SYNE2: variants seen among roughly 807,000 people sequenced by gnomAD.
SYNE2 encodes the protein nesprin-2.
A neutral mutation model predicts 856.3 loss-of-function variants in SYNE2; 431 were observed. That is an observed-to-expected ratio of 0.50 (90% confidence interval 0.47 to 0.55). SYNE2 has a LOEUF of 0.55. Among genes scored for constraint, SYNE2 ranks in the 20% least tolerant of loss-of-function variants. The pLI, the probability that SYNE2 is intolerant of heterozygous loss-of-function variation, is 0.00. For synonymous variants in SYNE2, 2,923 were observed against 2,872.3 expected (o/e 1.02, Z -0.56); for missense variants, 8,129 against 8,023.2 (o/e 1.01, Z -0.50).
intron 1 of SYNE2, among the ~76,000 whole-genome samples, chr14:63,842,620 A>G (rs1890106544): frequency 6.6e-6 from 1 of 151,494 alleles, no homozygotes; most frequent in South Asian, 2.1e-4. Context: ...GACCACACCC[A>G]GCGAATTTTT....
At chr14:64,190,808 A>G (rs1164892647) in intron 99 of SYNE2, 2 of 671,434 alleles carry the variant, frequency 3.0e-6, no homozygotes, top group Non-Finnish European at 5.5e-6. Flanking sequence ...TCAAAGCTAT[A>G]TTGGCCAGTG....
intron 97 of SYNE2, among the ~76,000 whole-genome samples, chr14:64,187,485 C>G (rs913552328): frequency 5.9e-5 from 9 of 152,134 alleles, no homozygotes; most frequent in Non-Finnish European, 1.3e-4. Flanking sequence ...ATTATGAAAT[C>G]AATCAGAATG....
At position 64,070,773 on chromosome 14, in the gene SYNE2, C is replaced by A. The variant is rs373942534; in HGVS notation, c.10560C>A (p.Asn3520Lys). 3 of 1,614,074 alleles carry A rather than the reference C, an allele frequency of 1.9e-6. No individual in the cohort carries two copies. In the African/African-American group the frequency reaches 4.0e-5, roughly 22 times the overall value. Residue 3520 changes from asparagine (N) to lysine (K), a missense_variant, in exon 52 of 116, where the codon AAC becomes AAA. By Grantham distance (94) the Asn-to-Lys change is moderately conservative. Transcript: ENST00000555002. The part of the protein sequence containing the change: ...LLDCLCQYGE[N>K]VEKQQLLLTL... Reference sequence around the variant, plus strand: ...ACTGTTTATGCCAATATGGAGAGAACGTGGAGAAGCAACAGCTGTTACTGA... The same window carrying A: ...ACTGTTTATGCCAATATGGAGAGAAAGTGGAGAAGCAACAGCTGTTACTGA...
At chr14:63,905,047 C>A (rs1392080113) in intron 1 of SYNE2, among the ~76,000 whole-genome samples, 2 of 152,180 alleles carry the variant, frequency 1.3e-5, no homozygotes, top group East Asian at 3.8e-4. Flanking sequence ...GTTATCCCAG[C>A]ATCATTTATT....
At chr14:64,109,106 C>G (rs1289688961) in intron 65 of SYNE2, among the ~76,000 whole-genome samples, 1 of 151,846 alleles carries the variant, frequency 6.6e-6, no homozygotes, top group African/African-American at 2.4e-5. Flanking sequence ...AACTCCTGGT[C>G]TCAAACCATC....
intron 6 of SYNE2, among the ~76,000 whole-genome samples, chr14:63,949,412 A>C (rs891170146): frequency 1.3e-5 from 2 of 152,138 alleles, no homozygotes; most frequent in Non-Finnish European, 2.9e-5. Flanking sequence ...GTGTTTGACT[A>C]TCTTTTTTTC....
intron 3 of SYNE2, 150 bp from the exon 4 acceptor site, chr14:63,941,545 T>C: frequency 1.5e-6 from 1 of 677,712 alleles, no homozygotes. Flanking sequence ...CGTTTTGATA[T>C]GAATCTTTGC....
intron 11 of SYNE2, among the ~76,000 whole-genome samples, chr14:63,974,634 C>T (rs1322048458): frequency 6.6e-6 from 1 of 151,106 alleles, no homozygotes; most frequent in Non-Finnish European, 1.5e-5. Context: ...TCTTGGCTCA[C>T]TGCAGCCTCC....
chr14:64,224,978 T>G (rs772301363), intron 114 of SYNE2, 21 bp from the exon 115 acceptor site: 1 of 1,613,036 alleles, frequency 6.2e-7, no homozygotes. Context: ...ACTTACTAAC[T>G]GGAGTTTCTT....
chr14:64,101,273 C>T (rs977216591), intron 63 of SYNE2, among the ~76,000 whole-genome samples: 1 of 152,080 alleles, frequency 6.6e-6, no homozygotes, highest in Non-Finnish European at 1.5e-5. Flanking sequence ...GTCTCCACAT[C>T]CTCATGACCA....
intron 10 of SYNE2, 45 bp from the exon 11 acceptor site, chr14:63,967,664 T>C (rs1448639530): frequency 1.0e-5 from 16 of 1,588,588 alleles, no homozygotes; most frequent in Non-Finnish European, 1.4e-5. Context: ...ATGATATAAA[T>C]GGAATTAAAC....
chr14:63,934,833 CTTTG>C (rs1305474511), intron 2 of SYNE2, among the ~76,000 whole-genome samples: 1 of 152,042 alleles, frequency 6.6e-6, no homozygotes, highest in Non-Finnish European at 1.5e-5. Flanking sequence ...AGAGAGTAAT[CTTTG>C]TTTTTGTTGT....
Position 63,978,970 on chromosome 14 carries a change from T to C in SYNE2, c.1525T>C (p.Tyr509His). 1 of 1,613,884 alleles carries C rather than the reference T, an allele frequency of 6.2e-7. No homozygotes were observed. The highest frequency in any genetic ancestry group is 8.5e-7 in the Non-Finnish European group (1 of 1,179,876). Residue 509 changes from tyrosine to histidine, a missense_variant, in exon 14 of 116, where the codon TAT becomes CAT. Tyr to His is a moderately conservative substitution (Grantham distance 83). Coordinates refer to ENST00000555002, the MANE Select transcript of SYNE2 (RefSeq NM_182914.3). ...AAAATTGGATATTTGGAACATTAAA[T>C]ATGGGAGCAGAGAATCTGTGGAATT... is the stretch of plus-strand genomic sequence containing the variant. The part of the protein sequence containing the change: ...KSKLDIWNIK[Y>H]GSRESVELLL...
At chr14:63,881,609 ATATAAT>A (rs1489442408) in intron 1 of SYNE2, among the ~76,000 whole-genome samples, 2 of 148,552 alleles carry the variant, frequency 1.3e-5, no homozygotes, top group Admixed American at 1.3e-4. Context: ...TTATATAAAT[ATATAAT>A]TATAATTATA....
chr14:63,908,367 A>T (rs1566772015), intron 1 of SYNE2, among the ~76,000 whole-genome samples: 1 of 152,204 alleles, frequency 6.6e-6, no homozygotes. Flanking sequence ...TTATTTGATC[A>T]TCCATATGGG....
Position 64,021,328 on chromosome 14 carries a change from C to T in SYNE2, c.5165C>T (p.Ser1722Phe), listed in dbSNP as rs1460555489. 2 of 1,613,952 alleles carry T rather than the reference C, an allele frequency of 1.2e-6. No homozygotes were observed. The highest frequency in any genetic ancestry group is 2.2e-5 in the South Asian group (2 of 91,072). Reference protein sequence around the residue: ...IPLELQVMESSILNKMEHVQK... With the variant: ...IPLELQVMESFILNKMEHVQK... ...TCATGATTTCAGGTCATGGAGTCCT[C>T]TATTTTGAACAAGATGGAACATGTA... Residue 1722 changes from serine to phenylalanine, a missense_variant, in exon 36 of 116, where the codon TCT becomes TTT. Around this residue, in one of 3 missense-constraint regions of SYNE2, gnomAD observed 2,422 missense variants for 2,357.4 expected, o/e 1.03. Transcript: ENST00000555002.
chr14:64,043,084 G>A (rs1384540635), intron 45 of SYNE2, among the ~76,000 whole-genome samples: 1 of 152,210 alleles, frequency 6.6e-6, no homozygotes, highest in African/African-American at 2.4e-5. Context: ...TGGAGCAAAG[G>A]TGACTCTTGT....
rs199923651 is a variant in SYNE2, at chr14:64,224,491, G to C, written c.20413G>C (p.Glu6805Gln). 2 of 1,614,024 alleles carry C rather than the reference G, an allele frequency of 1.2e-6. No homozygotes were observed. Among genetic ancestry groups the C allele is most frequent in the Admixed American group, 3.3e-5 (2 of 59,998 alleles). Residue 6805 changes from glutamate (E) to glutamine (Q), a missense_variant, in exon 114 of 116, where the codon GAG (glutamate) becomes CAG (glutamine). Physicochemically the swap from Glu to Gln is conservative, Grantham distance 29. Coordinates refer to ENST00000555002, the MANE Select transcript of SYNE2 (RefSeq NM_182914.3). ...NPASPLPSFD[E>Q]VDSGDQPPAT... ...AGCCTCACCCCTGCCCAGCTTCGACGAGGTAGACTCGGGGGACCAGCCTCC... is the reference window on the plus strand; with the variant it reads ...AGCCTCACCCCTGCCCAGCTTCGACCAGGTAGACTCGGGGGACCAGCCTCC...
intron 10 of SYNE2, 65 bp downstream of exon 10, chr14:63,964,065 T>C (rs1436817491): frequency 4.9e-6 from 5 of 1,017,234 alleles, no homozygotes; most frequent in Non-Finnish European, 7.5e-6. Flanking sequence ...AGTATGTTTT[T>C]AGAAAACTCT....
Sources: gnomAD v4.1 joint callset for allele counts (sites outside exome capture counted in the v4.1 genomes callset) on GRCh38, gnomAD v4.1.1 for gene constraint, gnomAD v4.1.1 regional missense constraint, MANE v1.5 for transcripts, NCBI Gene and HGNC (gene_info 2026-07-23, HGNC 2026-07-21) for gene names.